Variants in RAB38 observed in about 807,000 individuals in gnomAD.
The protein encoded by RAB38 is ras-related protein Rab-38.
RAB38 carries 15 observed loss-of-function variants against 18.4 expected under a neutral mutation model. The observed-to-expected ratio is 0.82, with a 90% CI of 0.55 to 1.26. RAB38 has a LOEUF of 1.26. Ranked by LOEUF, RAB38 falls within the 50% of genes most tolerant of loss-of-function variation. The pLI, the probability that RAB38 is intolerant of heterozygous loss-of-function variation, is 0.00. For missense variants in RAB38, 294 were observed against 267.4 expected (o/e 1.10, Z -0.69); for synonymous variants, 101 against 104.4 (o/e 0.97, Z 0.20).
the RAB38 span, among the ~76,000 whole-genome samples, chr11:87,976,778 A>G: frequency 8.7e-5 from 8 of 92,194 alleles, no homozygotes; most frequent in Non-Finnish European, 1.6e-4. Flanking sequence ...ATATATATTT[A>G]TATATTATAT....
At chr11:87,969,624 G>A in the RAB38 span, among the ~76,000 whole-genome samples, 2 of 152,072 alleles carry the variant, frequency 1.3e-5, no homozygotes, top group South Asian at 2.1e-4. Context: ...GAAGATCAAG[G>A]AGCCTGGAAA....
chr11:88,077,030 AAGAAAGCAAGC>A, the RAB38 span, among the ~76,000 whole-genome samples: 49 of 148,228 alleles, frequency 3.3e-4, no homozygotes, highest in African/African-American at 4.4e-4. Flanking sequence ...AAAGAAAAGA[AAGAAAGCAAGC>A]AAGAAAAGAA....
At chr11:87,977,605 C>A in the RAB38 span, among the ~76,000 whole-genome samples, 1 of 115,362 alleles carries the variant, frequency 8.7e-6, no homozygotes, top group Admixed American at 1.0e-4. Context: ...ATGTACTATA[C>A]AATTATATAA....
intron 1 of RAB38, among the ~76,000 whole-genome samples, chr11:88,171,656 T>A (rs1207937190): frequency 6.6e-6 from 1 of 152,204 alleles, no homozygotes; most frequent in Non-Finnish European, 1.5e-5. Flanking sequence ...TGGACATTCA[T>A]AAGAATAAGG....
At chr11:87,966,273 A>G in the RAB38 span, among the ~76,000 whole-genome samples, 1 of 152,242 alleles carries the variant, frequency 6.6e-6, no homozygotes, top group South Asian at 2.1e-4. Flanking sequence ...AGCCTAAGCA[A>G]TTTTGTGCCA....
the RAB38 span, among the ~76,000 whole-genome samples, chr11:88,096,427 C>T: frequency 7.2e-5 from 11 of 151,980 alleles, 1 homozygote; most frequent in South Asian, 2.1e-3. Context: ...CATAAAATAG[C>T]ACCCCAACAA....
At chr11:87,918,596 A>G in the RAB38 span, among the ~76,000 whole-genome samples, 1 of 151,966 alleles carries the variant, frequency 6.6e-6, no homozygotes, top group African/African-American at 2.4e-5. Flanking sequence ...GATGAATTTC[A>G]CTGTGGTTTT....
chr11:87,810,260 T>G, the RAB38 span, among the ~76,000 whole-genome samples: 155 of 152,316 alleles, frequency 1.0e-3, 2 homozygotes, highest in Non-Finnish European at 4.7e-4. Context: ...ATTTTTATTA[T>G]TTTTCTTTTG....
chr11:88,061,785 G>A, the RAB38 span: 1 of 152,068 alleles, frequency 6.6e-6, no homozygotes, highest in Admixed American at 6.6e-5. Context: ...CACTCCTCTG[G>A]GAGCCCATCT....
At chr11:88,149,201 G>A (rs760436697) in intron 2 of RAB38, among the ~76,000 whole-genome samples, 15 of 152,224 alleles carry the variant, frequency 9.9e-5, no homozygotes, top group Non-Finnish European at 1.9e-4. Context: ...CCACTATTCC[G>A]GTATGCCCAA....
chr11:88,048,387 G>A, the RAB38 span, among the ~76,000 whole-genome samples: 1 of 152,058 alleles, frequency 6.6e-6, no homozygotes, highest in African/African-American at 2.4e-5. Flanking sequence ...CAGGCTCTTG[G>A]TATTCAGTGG....
At chr11:87,921,097 G>A in the RAB38 span, among the ~76,000 whole-genome samples, 1 of 151,942 alleles carries the variant, frequency 6.6e-6, no homozygotes, top group African/African-American at 2.4e-5. Flanking sequence ...CTGACAATAG[G>A]GAACCCATTC....
the RAB38 span, among the ~76,000 whole-genome samples, chr11:87,965,158 A>C: frequency 6.6e-6 from 1 of 152,154 alleles, no homozygotes; most frequent in Non-Finnish European, 1.5e-5. Flanking sequence ...AGAAGGAGGC[A>C]CAATCACCCT....
At chr11:88,147,047 T>C (rs1315461221) in intron 2 of RAB38, among the ~76,000 whole-genome samples, 36 of 152,198 alleles carry the variant, frequency 2.4e-4, no homozygotes, top group Admixed American at 2.4e-3. Context: ...CAGAGTGAGG[T>C]GAAAAATGTC....
the RAB38 span, among the ~76,000 whole-genome samples, chr11:88,003,831 ATAATATATATTTATATATATAAT>A: frequency 0.034 from 322 of 9,422 alleles, 65 homozygotes; most frequent in Middle Eastern, 0.25. Flanking sequence ...AATAGATTGT[ATAATATATATTTATATATATAAT>A]TATATAAATA....
the RAB38 span, among the ~76,000 whole-genome samples, chr11:87,837,885 A>C: frequency 6.6e-6 from 1 of 152,164 alleles, no homozygotes; most frequent in Non-Finnish European, 1.5e-5. Flanking sequence ...ATAATATTTG[A>C]AGATTTTGTT....
chr11:88,141,526 T>C (rs1164258441), intron 2 of RAB38, among the ~76,000 whole-genome samples: 2 of 152,228 alleles, frequency 1.3e-5, no homozygotes, highest in African/African-American at 4.8e-5. Flanking sequence ...AGAGTTGTTA[T>C]TTAGTTGGCA....
chr11:87,902,897 A>G, the RAB38 span, among the ~76,000 whole-genome samples: 1 of 150,728 alleles, frequency 6.6e-6, no homozygotes, highest in Non-Finnish European at 1.5e-5. Context: ...ATATATGCAT[A>G]TATATATAAT....
the RAB38 span, among the ~76,000 whole-genome samples, chr11:88,009,761 T>C: frequency 6.6e-6 from 1 of 152,164 alleles, no homozygotes; most frequent in Non-Finnish European, 1.5e-5. Flanking sequence ...GATTAGCTCT[T>C]TGGGGTTTCA....
Sources: gnomAD v4.1 joint callset for allele counts (sites outside exome capture counted in the v4.1 genomes callset) on GRCh38, gnomAD v4.1.1 for gene constraint, MANE v1.5 for transcripts, NCBI Gene and HGNC (gene_info 2026-07-23, HGNC 2026-07-21) for gene names.